SPAG16: variants seen among roughly 807,000 people sequenced by gnomAD.
SPAG16 encodes sperm-associated antigen 16 protein.
A neutral mutation model predicts 80.4 loss-of-function variants in SPAG16; 86 were observed. The ratio of observed to expected loss-of-function variants is 1.07; its 90% confidence interval spans 0.90 to 1.28. The LOEUF is 1.28. SPAG16 is among the 50% of genes most tolerant of loss of function. The probability of loss-of-function intolerance (pLI) is 0.00; values close to 1 mark genes in which losing one functional copy is unlikely to be tolerated. For synonymous variants in SPAG16, 294 were observed against 265.9 expected (o/e 1.11, Z -1.03); for missense variants, 870 against 765.3 (o/e 1.14, Z -1.61).
intron 10 of SPAG16, among the ~76,000 whole-genome samples, chr2:213,556,211 A>G (rs990713802): frequency 1.1e-4 from 16 of 150,486 alleles, no homozygotes; most frequent in Non-Finnish European, 1.6e-4. Context: ...ACAAAATGGC[A>G]GTAGTAAGTC....
intron 7 of SPAG16, among the ~76,000 whole-genome samples, chr2:213,360,584 C>A (rs1003060008): frequency 6.6e-6 from 1 of 152,120 alleles, no homozygotes; most frequent in Non-Finnish European, 1.5e-5. Flanking sequence ...GTTTGTGTAC[C>A]CTTCTTACAA....
In SPAG16 at chr2:213,650,911, G is replaced by T. The variant is rs528456433; in HGVS notation, c.1070+160821G>T. 2.6e-5 allele frequency among the ~76,000 whole-genome samples: 4 copies of T among 152,244 alleles called. No homozygotes were observed. The South Asian group carries it at 8.3e-4, about 32-fold the overall frequency. On this transcript the variant is annotated intron_variant, in intron 10 of 15. Transcript: ENST00000331683. The stretch of plus-strand genomic sequence containing the variant: ...TTAATGCCCCAAATTTGAGAAAAAT[G>T]ATTCTGTGAGTTAGGAAATTCAATT...
chr2:213,992,257 G>A (rs1023862427), intron 12 of SPAG16, among the ~76,000 whole-genome samples: 8 of 151,924 alleles, frequency 5.3e-5, no homozygotes, highest in East Asian at 1.9e-4. Flanking sequence ...ATTGTTTAGC[G>A]TTGCAGAAAC....
At chr2:213,359,448 C>T (rs1177931612) in intron 7 of SPAG16, among the ~76,000 whole-genome samples, 1 of 152,190 alleles carries the variant, frequency 6.6e-6, no homozygotes, top group Non-Finnish European at 1.5e-5. Context: ...AGCTTCCCAG[C>T]TGCTTTGTTT....
chr2:213,569,469 C>T (rs1364044926), intron 10 of SPAG16, among the ~76,000 whole-genome samples: 12 of 14,258 alleles, frequency 8.4e-4, no homozygotes, highest in Admixed American at 2.7e-3. Context: ...TGTCAAAGGC[C>T]TTTTCTGCAT....
At chr2:213,729,105 T>G (rs1294491384) in intron 10 of SPAG16, among the ~76,000 whole-genome samples, 2 of 152,110 alleles carry the variant, frequency 1.3e-5, no homozygotes, top group Admixed American at 6.5e-5. Flanking sequence ...ACAAAAGATT[T>G]CTTGCAACAT....
At chr2:213,737,088 C>T (rs1196037653) in intron 10 of SPAG16, among the ~76,000 whole-genome samples, 2 of 152,266 alleles carry the variant, frequency 1.3e-5, no homozygotes, top group Middle Eastern at 3.4e-3. Context: ...AATTTATTCA[C>T]TATGTCACTA....
chr2:213,382,325 A>G (rs539413452), intron 9 of SPAG16, among the ~76,000 whole-genome samples: 2 of 152,228 alleles, frequency 1.3e-5, no homozygotes, highest in African/African-American at 2.4e-5. Flanking sequence ...GCTTGGTGTT[A>G]TAAGTCCTCA....
chr2:213,865,565 TA>T (rs950092362), intron 11 of SPAG16, among the ~76,000 whole-genome samples: 1 of 149,892 alleles, frequency 6.7e-6, no homozygotes, highest in Non-Finnish European at 1.5e-5. Flanking sequence ...AACAATGAAA[TA>T]AAAAATGCAA....
chr2:214,209,741 A>G (rs1429368076), intron 15 of SPAG16, among the ~76,000 whole-genome samples: 1 of 152,166 alleles, frequency 6.6e-6, no homozygotes, highest in Non-Finnish European at 1.5e-5. Flanking sequence ...TTGCCCAGAA[A>G]CATGAACACT....
intron 12 of SPAG16, among the ~76,000 whole-genome samples, chr2:214,005,026 T>A (rs967573313): frequency 1.3e-5 from 2 of 152,180 alleles, no homozygotes; most frequent in African/African-American, 4.8e-5. Context: ...CTGCTTAAAT[T>A]ATAATGTAAG....
At chr2:213,436,337 C>T (rs2070638944) in intron 9 of SPAG16, among the ~76,000 whole-genome samples, 1 of 152,072 alleles carries the variant, frequency 6.6e-6, no homozygotes, top group Non-Finnish European at 1.5e-5. Flanking sequence ...GTCTTGTTTT[C>T]CTCTGAAAGC....
chr2:213,444,191 C>T (rs2071158991), intron 9 of SPAG16, among the ~76,000 whole-genome samples: 1 of 152,102 alleles, frequency 6.6e-6, no homozygotes, highest in South Asian at 2.1e-4. Context: ...GAACTGTAAA[C>T]CTTGGGGCTC....
At chr2:213,782,613 C>T (rs1306343446) in intron 10 of SPAG16, among the ~76,000 whole-genome samples, 1 of 152,068 alleles carries the variant, frequency 6.6e-6, no homozygotes, top group Non-Finnish European at 1.5e-5. Context: ...TTGGTCATAA[C>T]ACAGAATTTT....
At chr2:214,267,689 G>C (rs1239876365) in intron 15 of SPAG16, among the ~76,000 whole-genome samples, 1 of 151,784 alleles carries the variant, frequency 6.6e-6, no homozygotes, top group African/African-American at 2.4e-5. Context: ...AAATTCTTTT[G>C]TGGATTGAAA....
intron 13 of SPAG16, among the ~76,000 whole-genome samples, chr2:214,102,109 GTTTTTTGT>G (rs1193089658): frequency 7.2e-5 from 7 of 96,604 alleles, no homozygotes; most frequent in Non-Finnish European, 1.5e-4. Context: ...GGTGAGGGTG[GTTTTTTGT>G]TTTTTTTTTT....
chr2:214,301,657 T>G (rs553932243), intron 15 of SPAG16, among the ~76,000 whole-genome samples: 2 of 152,298 alleles, frequency 1.3e-5, no homozygotes, highest in Admixed American at 1.3e-4. Flanking sequence ...TTATATTTAT[T>G]AGAATCTTCT....
intron 13 of SPAG16, 152 bp from the exon 14 acceptor site, chr2:214,108,044 T>C: frequency 1.7e-6 from 1 of 583,728 alleles, no homozygotes; most frequent in East Asian, 2.8e-5. Flanking sequence ...TGAATAGTAG[T>C]TGATAGCAAA....
At chr2:213,865,214 G>A (rs565860041) in intron 11 of SPAG16, among the ~76,000 whole-genome samples, 17 of 151,834 alleles carry the variant, frequency 1.1e-4, no homozygotes, top group Non-Finnish European at 2.4e-4. Context: ...TTTCAAAAAG[G>A]CATAAATTCT....
Sources: allele counts gnomAD v4.1 joint callset (sites outside exome capture counted in the v4.1 genomes callset), GRCh38; gene constraint gnomAD v4.1.1; transcripts MANE v1.5; gene names NCBI Gene and HGNC (gene_info 2026-07-23, HGNC 2026-07-21).